HERC2: variants seen among roughly 807,000 people sequenced by gnomAD.
HERC2 encodes the protein E3 ubiquitin-protein ligase HERC2.
A neutral mutation model predicts 537.7 loss-of-function variants in HERC2; 102 were observed. The observed-to-expected ratio is 0.19, with a 90% CI of 0.16 to 0.22. The LOEUF (loss-of-function observed/expected upper bound fraction) is 0.22, where lower values mean the gene tolerates loss of function less well. Ranked by LOEUF, HERC2 falls within the 10% of genes least tolerant of loss-of-function variation. The pLI is 1.00. For synonymous variants in HERC2, 2,224 were observed against 2,466.2 expected (o/e 0.90, Z 2.91); for missense variants, 4,236 against 6,198.2 (o/e 0.68, Z 10.63).
At chr15:28,285,035 A>G (rs1391975133) in intron 4 of HERC2, among the ~76,000 whole-genome samples, 1 of 151,996 alleles carries the variant, frequency 6.6e-6, no homozygotes, top group Admixed American at 6.6e-5. Flanking sequence ...AAACGTGCAT[A>G]CACCAAACAA....
chr15:28,179,255 GAAAAGA>G, intron 57 of HERC2, 32 bp from the exon 58 acceptor site: 6 of 1,455,740 alleles, frequency 4.1e-6, no homozygotes, highest in Non-Finnish European at 5.6e-6. Context: ...AAAAAAAAAA[GAAAAGA>G]AAATTTTACT....
chr15:28,121,784 G>A (rs1888919629), intron 85 of HERC2, among the ~76,000 whole-genome samples: 1 of 152,230 alleles, frequency 6.6e-6, no homozygotes, highest in Admixed American at 6.5e-5. Flanking sequence ...TGAAGTCAAG[G>A]TTTCCCTGCC....
chr15:28,223,974 G>A lies in HERC2; in HGVS notation c.5465-1759C>T, dbSNP rs563902169. Reference sequence around the variant, plus strand: ...AGACAACATAAAAAGGCCATTTCTCGATGGAGATATGCTTTTGTAATTTTT... The same window carrying A: ...AGACAACATAAAAAGGCCATTTCTCAATGGAGATATGCTTTTGTAATTTTT... On this transcript the variant is annotated intron_variant, in intron 35 of 92. Transcript: ENST00000261609. Among the ~76,000 whole-genome samples the A allele has an allele frequency of 3.4e-4, 51 of 152,038 alleles. No homozygotes were observed. The South Asian group carries it at 1.0e-2, about 30-fold the overall frequency.
chr15:28,283,446 T>C (rs1250432644), intron 4 of HERC2, among the ~76,000 whole-genome samples: 1 of 152,184 alleles, frequency 6.6e-6, no homozygotes. Context: ...AGAATTCTTA[T>C]ATCCAGCAAA....
Position 28,186,690 on chromosome 15 carries a change from G to C in HERC2, c.8712C>G (p.Ile2904Met), listed in dbSNP as rs1466395085. The part of the protein sequence containing the change: ...QCRSSGIDCK[I>M]HGLILLGRIR... ...TCCGTCCCAGCAGGATGAGACCATG[G>C]ATTTTACAATCGATTCCTGAGCTCC... Residue 2904 changes from isoleucine (I) to methionine (M), a missense_variant, in exon 56 of 93, where the codon ATC (isoleucine) becomes ATG (methionine). Physicochemically the swap from Ile to Met is conservative, Grantham distance 10 (BLOSUM62 1). Transcript: ENST00000261609. 1 of 1,614,002 alleles carries C rather than the reference G, an allele frequency of 6.2e-7. No individual in the cohort carries two copies. Among genetic ancestry groups the C allele is most frequent in the Non-Finnish European group, 8.5e-7 (1 of 1,179,912 alleles).
intron 37 of HERC2, among the ~76,000 whole-genome samples, chr15:28,219,900 A>T (rs1900339548): frequency 6.6e-6 from 1 of 152,152 alleles, no homozygotes; most frequent in Admixed American, 6.5e-5. Context: ...CACAGATAGG[A>T]TCTAGCTTTC....
At chr15:28,240,903 A>T (rs1423253298) in intron 23 of HERC2, among the ~76,000 whole-genome samples, 1 of 152,242 alleles carries the variant, frequency 6.6e-6, no homozygotes, top group Non-Finnish European at 1.5e-5. Flanking sequence ...CTCAAAATGG[A>T]TAAAAGACCT....
rs111263444 is a variant in HERC2 at position 28,124,109 on chromosome 15, C to A, written c.13116G>T (p.Ser4372=). Residue 4372 remains serine, a synonymous_variant, in exon 85 of 93, where the codon TCG becomes TCT. Coordinates refer to ENST00000261609, the MANE Select transcript of HERC2 (RefSeq NM_004667.6). The part of the protein sequence containing the change: ...PCIPMFDLEG[S]LDETGLGPSV... Reference sequence around the variant, plus strand: ...AAGGCCCGAGTCCAGTTTCGTCGAGCGAGCCTTCCAGGTCGAACATGGGGA... The same window carrying A: ...AAGGCCCGAGTCCAGTTTCGTCGAGAGAGCCTTCCAGGTCGAACATGGGGA... 3.7e-6 allele frequency: 6 copies of A among 1,607,070 alleles called. No homozygotes were observed. Among genetic ancestry groups the A allele is most frequent in the Non-Finnish European group, 4.2e-6 (5 of 1,176,654 alleles).
intron 35 of HERC2, among the ~76,000 whole-genome samples, chr15:28,222,721 G>GT (rs1210473304): frequency 6.6e-6 from 1 of 152,162 alleles, no homozygotes; most frequent in Non-Finnish European, 1.5e-5. Flanking sequence ...TAGGTAGTAG[G>GT]TGTGGTTCCC....
intron 56 of HERC2, among the ~76,000 whole-genome samples, chr15:28,183,208 A>G (rs1052760582): frequency 6.6e-6 from 1 of 151,958 alleles, no homozygotes; most frequent in Admixed American, 6.6e-5. Context: ...TTAGGAGTTT[A>G]TTTATTTTTT....
At chr15:28,185,240 T>A (rs1896198490) in intron 56 of HERC2, among the ~76,000 whole-genome samples, 1 of 151,998 alleles carries the variant, frequency 6.6e-6, no homozygotes, top group South Asian at 2.1e-4. Context: ...CTATATAACG[T>A]GCTCAACAGC....
chr15:28,143,564 A>G (rs1891438526), intron 74 of HERC2, among the ~76,000 whole-genome samples: 1 of 152,038 alleles, frequency 6.6e-6, no homozygotes, highest in Non-Finnish European at 1.5e-5. Context: ...CTCCTGCCTC[A>G]GCCTCCCAAG....
At chr15:28,301,729 GTATGTGTATATA>G (rs1290157023) in intron 2 of HERC2, among the ~76,000 whole-genome samples, 54 of 37,904 alleles carry the variant, frequency 1.4e-3, no homozygotes, top group African/African-American at 4.3e-3. Flanking sequence ...CTAGTTGTAT[GTATGTGTATATA>G]TATATATATA....
At chr15:28,320,746 AGTT>A (rs1318478396) in intron 2 of HERC2, among the ~76,000 whole-genome samples, 19 of 151,782 alleles carry the variant, frequency 1.3e-4, no homozygotes, top group African/African-American at 4.4e-4. Context: ...TCGAAATATT[AGTT>A]ATTATTTATT....
intron 92 of HERC2, among the ~76,000 whole-genome samples, chr15:28,112,292 G>A (rs987275684): frequency 6.6e-6 from 1 of 152,214 alleles, no homozygotes; most frequent in Non-Finnish European, 1.5e-5. Flanking sequence ...CACACCACCT[G>A]TGTGGATGCG....
chr15:28,175,356 C>A (rs1039279074), intron 64 of HERC2, among the ~76,000 whole-genome samples, 156 bp downstream of exon 64: 2 of 152,024 alleles, frequency 1.3e-5, no homozygotes, highest in African/African-American at 4.8e-5. Context: ...CACCAGTGGG[C>A]AAAAGGAACA....
intron 10 of HERC2, 29 bp downstream of exon 10, chr15:28,270,666 C>G: frequency 6.2e-7 from 1 of 1,604,896 alleles, no homozygotes; most frequent in Admixed American, 1.7e-5. Context: ...CTACAAAACA[C>G]ATGGAGAACA....
chr15:28,203,377 C>T (rs926385936), intron 45 of HERC2: 3 of 150,618 alleles, frequency 2.0e-5, no homozygotes, highest in African/African-American at 4.9e-5. Context: ...AGTATCAAAG[C>T]CTAGGGTTTT....
chr15:28,298,757 C>T (rs1281013946), intron 3 of HERC2: 1 of 152,130 alleles, frequency 6.6e-6, no homozygotes, highest in Non-Finnish European at 1.5e-5. Flanking sequence ...GATCGCGCCA[C>T]TGTACTCCAG....
Sources: allele counts gnomAD v4.1 joint callset (sites outside exome capture counted in the v4.1 genomes callset), GRCh38; gene constraint gnomAD v4.1.1; transcripts MANE v1.5; gene names NCBI Gene and HGNC (gene_info 2026-07-23, HGNC 2026-07-21).